The following PRR16 variants were observed in gnomAD, a reference collection of about 807,000 sequenced individuals.
PRR16 encodes the protein protein Largen.
A neutral mutation model predicts 18.2 loss-of-function variants in PRR16; 6 were observed. The observed-to-expected ratio is 0.33, with a 90% CI of 0.18 to 0.65. The LOEUF (loss-of-function observed/expected upper bound fraction) is 0.65. PRR16 is among the 30% of genes least tolerant of loss of function. The pLI, the probability that PRR16 is intolerant of heterozygous loss-of-function variation, is 0.74. For synonymous variants in PRR16, 151 were observed against 147.8 expected (o/e 1.02, Z -0.16); for missense variants, 412 against 376.6 (o/e 1.09, Z -0.78).
Position 120,687,113 on chromosome 5 carries a change from C to T in PRR16, c.*404C>T, listed in dbSNP as rs1265081990. The T allele has an allele frequency of 6.5e-6, 1 of 154,528 alleles. No homozygotes were observed. The allele number at this position is 154,528 out of a possible 1,614,324, so 9.6% of individuals were successfully genotyped here. A position where few individuals can be genotyped will look rare whatever the true frequency, so the allele number is the denominator to read the frequency against. On this transcript the variant is annotated 3_prime_UTR_variant, in exon 2 of 2. Transcript: ENST00000407149. ...TGCTTTTTACTAGGAAATTTTAATA[C>T]TGAAGGACTATTTTATTATTTTTTT...
intron 1 of PRR16, among the ~76,000 whole-genome samples, chr5:120,674,115 G>T (rs1489740373): frequency 1.3e-5 from 2 of 151,960 alleles, no homozygotes; most frequent in Non-Finnish European, 2.9e-5. Context: ...ACGCTACAGG[G>T]CCTCCTGAAA....
chr5:120,487,589 G>A (rs1250349016), intron 1 of PRR16, among the ~76,000 whole-genome samples: 3 of 152,118 alleles, frequency 2.0e-5, no homozygotes, highest in East Asian at 1.9e-4. Context: ...CATGTCATCT[G>A]CAAACAGGGA....
the PRR16 span, among the ~76,000 whole-genome samples, chr5:120,695,785 C>T: frequency 1.2e-3 from 182 of 152,282 alleles, 1 homozygote; most frequent in South Asian, 0.018. Flanking sequence ...TACTGTTCCT[C>T]TGACATGCCT....
At chr5:120,638,315 G>T (rs930431273) in intron 1 of PRR16, among the ~76,000 whole-genome samples, 1 of 151,996 alleles carries the variant, frequency 6.6e-6, no homozygotes, top group Non-Finnish European at 1.5e-5. Context: ...AGGTTATTTC[G>T]CCAAGGTCAT....
the PRR16 span, among the ~76,000 whole-genome samples, chr5:120,736,826 A>G: frequency 1.3e-5 from 2 of 152,008 alleles, no homozygotes; most frequent in South Asian, 4.1e-4. Context: ...CAGTTTATTC[A>G]TACTTTATCC....
the PRR16 span, among the ~76,000 whole-genome samples, chr5:120,764,428 T>G: frequency 6.6e-6 from 1 of 151,760 alleles, no homozygotes; most frequent in Admixed American, 6.6e-5. Context: ...ATTATTTAAT[T>G]TTTTTTTAAT....
At chr5:120,762,265 A>G in the PRR16 span, among the ~76,000 whole-genome samples, 1 of 152,044 alleles carries the variant, frequency 6.6e-6, no homozygotes, top group African/African-American at 2.4e-5. Flanking sequence ...TGGTAGTTCT[A>G]TTTTTAGTTT....
chr5:120,745,153 G>A, the PRR16 span, among the ~76,000 whole-genome samples: 1 of 152,168 alleles, frequency 6.6e-6, no homozygotes, highest in African/African-American at 2.4e-5. Context: ...AGGGCACTGT[G>A]CTGAGTCCAA....
At chr5:120,638,383 A>G (rs945013134) in intron 1 of PRR16, among the ~76,000 whole-genome samples, 1 of 152,170 alleles carries the variant, frequency 6.6e-6, no homozygotes, top group African/African-American at 2.4e-5. Flanking sequence ...AAAGCTGCTT[A>G]AACAATGTAT....
intron 1 of PRR16, among the ~76,000 whole-genome samples, chr5:120,556,972 G>T (rs747881133): frequency 6.6e-6 from 1 of 151,604 alleles, no homozygotes; most frequent in Non-Finnish European, 1.5e-5. Flanking sequence ...GTCATCTAGG[G>T]TATGTTTATT....
chr5:120,703,157 T>G, the PRR16 span, among the ~76,000 whole-genome samples: 1 of 147,896 alleles, frequency 6.8e-6, no homozygotes, highest in Non-Finnish European at 1.5e-5. Context: ...CGGGCAGGAG[T>G]GGGGGTCGCA....
chr5:120,647,706 G>C (rs1436482312), intron 1 of PRR16, among the ~76,000 whole-genome samples: 1 of 151,964 alleles, frequency 6.6e-6, no homozygotes, highest in African/African-American at 2.4e-5. Flanking sequence ...CTGCTTAAAA[G>C]TTTATGATCC....
intron 1 of PRR16, among the ~76,000 whole-genome samples, chr5:120,656,566 A>G (rs916018455): frequency 7.2e-5 from 11 of 151,876 alleles, no homozygotes; most frequent in Admixed American, 1.3e-4. Flanking sequence ...AAAATCCAGT[A>G]TAATTAGTTG....
intron 1 of PRR16, among the ~76,000 whole-genome samples, chr5:120,549,804 C>G (rs1335353503): frequency 1.3e-5 from 2 of 151,980 alleles, no homozygotes; most frequent in African/African-American, 4.8e-5. Flanking sequence ...GGAACACGTA[C>G]TATCCACAGA....
rs1757142515 is a variant in PRR16, at chr5:120,686,755, A to G, written c.*46A>G. On this transcript the variant is annotated 3_prime_UTR_variant, in exon 2 of 2. Coordinates refer to ENST00000407149, the MANE Select transcript of PRR16 (RefSeq NM_001300783.2). The stretch of plus-strand genomic sequence containing the variant: ...GTTTTTTTAATTTTCTATATTATAA[A>G]CATAAAATAAGTAATGAGCACTTTC... 8 of 1,325,596 alleles carry G rather than the reference A, an allele frequency of 6.0e-6. No individual in the cohort carries two copies. The highest frequency in any genetic ancestry group is 7.9e-6 in the Non-Finnish European group (8 of 1,012,914). 82.1% of individuals were successfully genotyped at this position (1,325,596 alleles called of 1,614,324 possible).
intron 1 of PRR16, among the ~76,000 whole-genome samples, chr5:120,655,429 C>A (rs1449144): frequency 0.79 from 118,005 of 148,678 alleles, 47,641 homozygotes; most frequent in East Asian, 0.94. Flanking sequence ...AGTTTAGCGT[C>A]AAAATAAAGC....
At chr5:120,720,440 C>G in the PRR16 span, among the ~76,000 whole-genome samples, 1 of 152,006 alleles carries the variant, frequency 6.6e-6, no homozygotes, top group African/African-American at 2.4e-5. Flanking sequence ...CCTCCCAACC[C>G]TCTCACATGC....
chr5:120,736,530 G>A, the PRR16 span, among the ~76,000 whole-genome samples: 2 of 120,602 alleles, frequency 1.7e-5, no homozygotes, highest in South Asian at 6.1e-4. Flanking sequence ...CTCCCAAAGT[G>A]TAAAGGCTTT....
intron 1 of PRR16, among the ~76,000 whole-genome samples, chr5:120,607,643 C>A (rs1304726564): frequency 6.6e-6 from 1 of 151,984 alleles, no homozygotes; most frequent in African/African-American, 2.4e-5. Flanking sequence ...ACAAGGATAG[C>A]AATTTCCTAC....
Sources: allele counts gnomAD v4.1 joint callset (sites outside exome capture counted in the v4.1 genomes callset), GRCh38; gene constraint gnomAD v4.1.1; transcripts MANE v1.5; gene names NCBI Gene and HGNC (gene_info 2026-07-23, HGNC 2026-07-21).